WDPCP: variants seen among roughly 807,000 people sequenced by gnomAD.
WDPCP encodes WD repeat containing planar cell polarity effector.
Under a neutral mutation model 93.1 loss-of-function variants are expected in WDPCP, and 71 were observed. The observed-to-expected ratio is 0.76, with a 90% confidence interval of 0.63 to 0.93. The LOEUF is 0.93. Ranked by LOEUF, WDPCP falls within the 40% of genes least tolerant of loss-of-function variation. The pLI is 0.00. For synonymous variants in WDPCP, 315 were observed against 315.0 expected (o/e 1.00, Z 0.00); for missense variants, 844 against 887.4 (o/e 0.95, Z 0.62).
chr2:63,757,567 A>G (rs1333099589), intron 2 of WDPCP, among the ~76,000 whole-genome samples: 1 of 152,190 alleles, frequency 6.6e-6, no homozygotes. Context: ...ATGGGTGGGT[A>G]TATTTTGCAT....
chr2:63,529,472 T>C (rs1703641647), intron 1 of WDPCP, among the ~76,000 whole-genome samples: 1 of 152,218 alleles, frequency 6.6e-6, no homozygotes, highest in Non-Finnish European at 1.5e-5. Flanking sequence ...ATTGAGATAA[T>C]CATGTGGTTT....
intron 13 of WDPCP, among the ~76,000 whole-genome samples, chr2:63,291,210 TAC>T (rs1341990337): frequency 6.7e-6 from 1 of 148,804 alleles, no homozygotes; most frequent in Non-Finnish European, 1.5e-5. Context: ...TTAAAAAAAA[TAC>T]AGTTTCTATG....
intron 2 of WDPCP, among the ~76,000 whole-genome samples, chr2:63,813,261 C>T (rs1670886526): frequency 6.6e-6 from 1 of 152,138 alleles, no homozygotes; most frequent in East Asian, 1.9e-4. Context: ...ATAGCAGTGC[C>T]ATTTACCAAG....
At chr2:63,765,778 G>A (rs1327286382) in intron 2 of WDPCP, among the ~76,000 whole-genome samples, 1 of 152,164 alleles carries the variant, frequency 6.6e-6, no homozygotes, top group Non-Finnish European at 1.5e-5. Flanking sequence ...GGCTCAATTC[G>A]GGGGCACATG....
At chr2:63,560,824 G>GC (rs1233584393) in intron 1 of WDPCP, among the ~76,000 whole-genome samples, 2 of 152,156 alleles carry the variant, frequency 1.3e-5, no homozygotes, top group African/African-American at 4.8e-5. Context: ...ATACACTGGG[G>GC]CCTGTTGGGA....
chr2:63,745,643 TACACAC>T lies in WDPCP; in HGVS notation n.308+67973_308+67978del, dbSNP rs5831669. On this transcript the variant is annotated intron_variant and non_coding_transcript_variant, in intron 2 of 4. Coordinates refer to the WDPCP transcript ENST00000467687. ...AAAATCATATGCGCATGCACGCACT[TACACAC>T]ACACACACACACACACACACTTGTA... Among the ~76,000 whole-genome samples the T allele has an allele frequency of 1.5e-4, 22 of 149,754 alleles. 1 individual carries two copies. The highest frequency in any genetic ancestry group is 6.4e-4 in the South Asian group (3 of 4,720).
At chr2:63,440,023 T>C (rs1323465794) in intron 6 of WDPCP, 152 bp from the exon 7 acceptor site, 2 of 624,860 alleles carry the variant, frequency 3.2e-6, no homozygotes, top group Non-Finnish European at 5.8e-6. Context: ...TGAAAAACAA[T>C]TACTGACATT....
chr2:63,225,471 G>T (rs760176794), intron 14 of WDPCP, among the ~76,000 whole-genome samples: 1 of 151,658 alleles, frequency 6.6e-6, no homozygotes, highest in Non-Finnish European at 1.5e-5. Context: ...ATCCTAAGAG[G>T]TATCTACTAA....
At chr2:63,487,386 G>A (rs1335741612) in intron 3 of WDPCP, 61 bp downstream of exon 3, 15 of 1,204,692 alleles carry the variant, frequency 1.2e-5, no homozygotes, top group Non-Finnish European at 1.6e-5. Flanking sequence ...TTAATGGTCA[G>A]TATTTCATGG....
At position 63,496,838 on chromosome 2, in the gene WDPCP, G is replaced by A. The variant is rs763172674; in HGVS notation, c.76-3898C>T. Among the ~76,000 whole-genome samples, 12 of 152,178 alleles carry A rather than the reference G, an allele frequency of 7.9e-5. No homozygotes were observed. The South Asian group carries it at 1.0e-3, about 13-fold the overall frequency. ...ATAAGGATGGGGAAGCAGGCCAGGC[G>A]CAGTGGCTCACACCTGTAATCCCAG... On this transcript the variant is annotated intron_variant, in intron 1 of 17. Coordinates refer to ENST00000272321, the MANE Select transcript of WDPCP (RefSeq NM_015910.7).
chr2:63,524,004 C>A (rs1703136319), intron 1 of WDPCP, among the ~76,000 whole-genome samples: 1 of 152,284 alleles, frequency 6.6e-6, no homozygotes, highest in Non-Finnish European at 1.5e-5. Flanking sequence ...AAAATGCAAT[C>A]CCATTCACAA....
chr2:63,406,994 T>G (rs907391753), intron 9 of WDPCP, among the ~76,000 whole-genome samples: 2 of 152,128 alleles, frequency 1.3e-5, no homozygotes, highest in African/African-American at 4.8e-5. Context: ...AATGCCGTTA[T>G]TTGGGGGTAG....
intron 9 of WDPCP, among the ~76,000 whole-genome samples, chr2:63,424,884 C>A (rs1696146953): frequency 6.6e-6 from 1 of 152,090 alleles, no homozygotes; most frequent in East Asian, 1.9e-4. Context: ...GGAGGGGGAT[C>A]CCCAAGGCCC....
intron 11 of WDPCP, among the ~76,000 whole-genome samples, chr2:63,379,931 A>G (rs1009329692): frequency 7.9e-5 from 12 of 152,182 alleles, no homozygotes; most frequent in Non-Finnish European, 1.5e-4. Flanking sequence ...CAAAAATTTT[A>G]TTTTAATAGC....
rs1013758939 is a variant in WDPCP at position 63,389,945 on chromosome 2, T to A, written c.1436-7851A>T. 2.6e-5 allele frequency among the ~76,000 whole-genome samples: 4 copies of A among 152,102 alleles called. No individual in the cohort carries two copies. The East Asian group carries it at 7.7e-4, about 29-fold the overall frequency. Reference sequence around the variant, plus strand: ...GACTTAGACTCCCACACAATAATAATGGGAGACTTTAACATCCCACTGTCA... The same window carrying A: ...GACTTAGACTCCCACACAATAATAAAGGGAGACTTTAACATCCCACTGTCA... On this transcript the variant is annotated intron_variant, in intron 10 of 17. Transcript: ENST00000272321.
intron 2 of WDPCP, among the ~76,000 whole-genome samples, chr2:63,720,903 TC>T (rs1199550207): frequency 6.6e-6 from 1 of 152,142 alleles, no homozygotes; most frequent in African/African-American, 2.4e-5. Context: ...TAAGCCAAGT[TC>T]CCCCAGTCAG....
chr2:63,236,351 T>C (rs542731148), intron 14 of WDPCP, among the ~76,000 whole-genome samples: 1 of 152,186 alleles, frequency 6.6e-6, no homozygotes, highest in South Asian at 2.1e-4. Flanking sequence ...ATGGAAAAAC[T>C]TCCATGTGCA....
intron 10 of WDPCP, among the ~76,000 whole-genome samples, chr2:63,398,034 A>G (rs1413682399): frequency 2.0e-5 from 3 of 152,108 alleles, no homozygotes; most frequent in Admixed American, 2.0e-4. Flanking sequence ...ATGTTATGGG[A>G]TCCACAGAGC....
At chr2:63,656,858 C>T (rs1031023424) in intron 2 of WDPCP, among the ~76,000 whole-genome samples, 11 of 151,770 alleles carry the variant, frequency 7.2e-5, no homozygotes, top group Non-Finnish European at 1.3e-4. Context: ...TGAAAGGTGT[C>T]TGCCTTTTAA....
Sources: allele counts gnomAD v4.1 joint callset (sites outside exome capture counted in the v4.1 genomes callset), GRCh38; gene constraint gnomAD v4.1.1; transcripts MANE v1.5; gene names NCBI Gene and HGNC (gene_info 2026-07-23, HGNC 2026-07-21).